TSPAN9: variants seen among roughly 807,000 people sequenced by gnomAD.
TSPAN9 encodes tetraspanin-9.
Under a neutral mutation model 31.0 loss-of-function variants are expected in TSPAN9, and 16 were observed. That is an observed-to-expected ratio of 0.52 (90% CI 0.35 to 0.78). The LOEUF is 0.78. Among genes scored for constraint, TSPAN9 ranks in the 30% least tolerant of loss-of-function variants. TSPAN9 has a pLI of 0.01. For synonymous variants in TSPAN9, 145 were observed against 121.6 expected, an observed-to-expected ratio of 1.19 and a Z score of -1.27; for missense variants, 272 against 312.5, an observed-to-expected ratio of 0.87 and a Z score of 0.98.
chr12:3,203,240 C>T (rs1455041925), intron 3 of TSPAN9, among the ~76,000 whole-genome samples: 2 of 152,118 alleles, frequency 1.3e-5, no homozygotes, highest in Non-Finnish European at 2.9e-5. Flanking sequence ...TGGTGACCTC[C>T]TCACTGGCTA....
chr12:3,221,948 G>A (rs571901647), intron 3 of TSPAN9, among the ~76,000 whole-genome samples: 76 of 152,340 alleles, frequency 5.0e-4, no homozygotes, highest in Non-Finnish European at 8.5e-4. Context: ...AGCCTAAAGA[G>A]AAGTTTTAAA....
rs1862847462 is a variant in TSPAN9 at position 3,278,994 on chromosome 12, T to A, written c.258T>A (p.Phe86Leu). 6.2e-7 allele frequency: 1 copy of A among 1,614,038 alleles called. No individual in the cohort carries two copies. The highest frequency in any genetic ancestry group is 1.7e-5 in the Admixed American group (1 of 60,006). The change falls in exon 5 of 9, where the codon TTT becomes TTA. Residue 86 changes from phenylalanine to leucine, a missense_variant and splice_region_variant. Physicochemically the swap from Phe to Leu is conservative, Grantham distance 22 (BLOSUM62 0). Coordinates refer to ENST00000011898, the MANE Select transcript of TSPAN9 (RefSeq NM_006675.5). ...ATGCCTGGCCCTTTCCTTTCCAGTT[T>A]TTCATCGTCCTGTTGGTCATCCTCC... is the stretch of plus-strand genomic sequence containing the variant. Reference protein sequence around the residue: ...IKENKCLLLSFFIVLLVILLA... With the variant: ...IKENKCLLLSLFIVLLVILLA...
At chr12:3,144,216 T>C (rs1281620074) in intron 2 of TSPAN9, among the ~76,000 whole-genome samples, 1 of 152,166 alleles carries the variant, frequency 6.6e-6, no homozygotes, top group Non-Finnish European at 1.5e-5. Context: ...TTCTTCTGCC[T>C]CAGCCACCCT....
intron 3 of TSPAN9, among the ~76,000 whole-genome samples, chr12:3,249,894 C>T (rs1204893980): frequency 2.0e-5 from 3 of 152,152 alleles, no homozygotes; most frequent in Non-Finnish European, 4.4e-5. Context: ...GGGTTGATTG[C>T]CCCTTGTCGT....
At chr12:3,272,770 G>A (rs3782763) in intron 3 of TSPAN9, 11,304 of 152,288 alleles carry the variant, frequency 0.074, 1,017 homozygotes, top group East Asian at 0.37. Flanking sequence ...AGCTCAGGAC[G>A]GGGAAGCCCG....
intron 2 of TSPAN9, among the ~76,000 whole-genome samples, chr12:3,163,072 C>T (rs59118579): frequency 1.2e-4 from 19 of 152,294 alleles, no homozygotes; most frequent in Admixed American, 3.9e-4. Flanking sequence ...TCCCTGGCTG[C>T]GGTCCACACA....
intron 3 of TSPAN9, among the ~76,000 whole-genome samples, chr12:3,226,555 A>G (rs1176066046): frequency 1.3e-5 from 2 of 150,408 alleles, no homozygotes; most frequent in Non-Finnish European, 3.0e-5. Flanking sequence ...GAGGGTGTAT[A>G]TATATGGCTG....
At chr12:3,183,211 T>G (rs1222394281) in intron 2 of TSPAN9, among the ~76,000 whole-genome samples, 2 of 152,188 alleles carry the variant, frequency 1.3e-5, no homozygotes, top group Non-Finnish European at 2.9e-5. Context: ...TTCCTTTCCT[T>G]TCTCTTCCAC....
intron 2 of TSPAN9, among the ~76,000 whole-genome samples, chr12:3,197,080 T>G (rs1432476634): frequency 6.6e-6 from 1 of 152,174 alleles, no homozygotes. Context: ...CAACTGACTT[T>G]ATGCTTGTAA....
chr12:3,266,545 G>A (rs1862540404), intron 3 of TSPAN9, among the ~76,000 whole-genome samples: 2 of 152,218 alleles, frequency 1.3e-5, no homozygotes, highest in Non-Finnish European at 2.9e-5. Context: ...GGACAGGCCA[G>A]CAGCTTTCAA....
At chr12:3,264,648 C>A (rs1307338572) in intron 3 of TSPAN9, among the ~76,000 whole-genome samples, 1 of 152,216 alleles carries the variant, frequency 6.6e-6, no homozygotes, top group African/African-American at 2.4e-5. Flanking sequence ...CTGCCTCTCT[C>A]CACCACAGGC....
rs1862302066 is a variant in TSPAN9, at chr12:3,254,052, C to T, written c.64-24369C>T. 2.0e-5 allele frequency among the ~76,000 whole-genome samples: 3 copies of T among 152,150 alleles called. No individual in the cohort carries two copies. In the South Asian group the frequency reaches 6.2e-4, roughly 32 times the overall value. On this transcript the variant is annotated intron_variant, in intron 3 of 8. Transcript: ENST00000011898. ...ACAAGTCCTGGCCCTCCTGCTGAGTCTTGGTTATCAACACCACCTCCTGTG... is the reference window on the plus strand; with the variant it reads ...ACAAGTCCTGGCCCTCCTGCTGAGTTTTGGTTATCAACACCACCTCCTGTG...
chr12:3,268,965 TCTGTGTTCCTGCAGCCTGCCCTCC>T (rs1565639804), intron 3 of TSPAN9, among the ~76,000 whole-genome samples: 4 of 75,926 alleles, frequency 5.3e-5, no homozygotes, highest in Non-Finnish European at 4.7e-5. Context: ...GCCTGCCCTC[TCTGTGTTCCTGCAGCCTGCCCTCC>T]GTGCGTTCCT....
At chr12:3,270,540 C>A (rs1978239) in intron 3 of TSPAN9, among the ~76,000 whole-genome samples, 66,603 of 152,152 alleles carry the variant, frequency 0.44, 16,009 homozygotes, top group South Asian at 0.62. Context: ...AGCAAGCCCC[C>A]AGGCAGGGCA....
At chr12:3,271,544 G>GAAA (rs10709802) in intron 3 of TSPAN9, among the ~76,000 whole-genome samples, 1 of 143,424 alleles carries the variant, frequency 7.0e-6, no homozygotes, top group Non-Finnish European at 1.5e-5. Context: ...GAGGTATGCA[G>GAAA]AAAAAAAAAA....
intron 3 of TSPAN9, among the ~76,000 whole-genome samples, chr12:3,254,335 C>T (rs1277316946): frequency 1.3e-5 from 2 of 152,220 alleles, no homozygotes; most frequent in Non-Finnish European, 2.9e-5. Flanking sequence ...TGCCCCACCC[C>T]CTCAATGCTG....
intron 3 of TSPAN9, among the ~76,000 whole-genome samples, chr12:3,252,401 C>A (rs1862260049): frequency 6.6e-6 from 1 of 152,234 alleles, no homozygotes; most frequent in Admixed American, 6.5e-5. Flanking sequence ...TCATCCGTGG[C>A]AGGTGTGTGC....
intron 2 of TSPAN9, 72 bp from the exon 3 acceptor site, chr12:3,201,105 A>G (rs2098371291): frequency 7.2e-7 from 1 of 1,395,790 alleles, no homozygotes; most frequent in African/African-American, 1.4e-5. Context: ...GTTAAGACCG[A>G]CAAGTGCAAT....
At chr12:3,202,619 C>T (rs931853321) in intron 3 of TSPAN9, among the ~76,000 whole-genome samples, 4 of 152,134 alleles carry the variant, frequency 2.6e-5, no homozygotes, top group Non-Finnish European at 4.4e-5. Flanking sequence ...CTTGTCCTCA[C>T]GTCACTAGTT....
Sources: gnomAD v4.1 joint callset for allele counts (sites outside exome capture counted in the v4.1 genomes callset) on GRCh38, gnomAD v4.1.1 for gene constraint, MANE v1.5 for transcripts, NCBI Gene and HGNC (gene_info 2026-07-23, HGNC 2026-07-21) for gene names.